Variants in ADGB observed in about 807,000 individuals in gnomAD.
ADGB encodes the protein androglobin, also known as calpain-7-like protein.
Under a neutral mutation model 210.5 loss-of-function variants are expected in ADGB, and 172 were observed. The ratio of observed to expected loss-of-function variants is 0.82; its 90% CI spans 0.72 to 0.93. The LOEUF (loss-of-function observed/expected upper bound fraction) is 0.93, where lower values mean the gene tolerates loss of function less well. Ranked by LOEUF, ADGB falls within the 40% of genes least tolerant of loss-of-function variation. The probability of loss-of-function intolerance (pLI) is 0.00; values close to 1 mark genes in which losing one functional copy is unlikely to be tolerated. For missense variants in ADGB, 2,025 were observed against 1,964.8 expected (o/e 1.03, Z -0.58); for synonymous variants, 658 against 662.7 (o/e 0.99, Z 0.11).
At chr6:146,791,414 G>T (rs912835453) in intron 33 of ADGB, among the ~76,000 whole-genome samples, 1 of 152,060 alleles carries the variant, frequency 6.6e-6, no homozygotes, top group Non-Finnish European at 1.5e-5. Flanking sequence ...CTCAATCATG[G>T]CTCGCTGCAG....
At chr6:146,615,681 A>G (rs1010417922) in intron 1 of ADGB, among the ~76,000 whole-genome samples, 12 of 152,204 alleles carry the variant, frequency 7.9e-5, no homozygotes, top group African/African-American at 2.9e-4. Context: ...AAGTGAGAAC[A>G]TGGAATATTT....
intron 33 of ADGB, among the ~76,000 whole-genome samples, chr6:146,792,254 T>G (rs967158191): frequency 1.3e-5 from 2 of 152,212 alleles, no homozygotes. Context: ...TCTACTTCTC[T>G]GAAGAACGAC....
At chr6:146,735,782 AT>A (rs956966382) in intron 22 of ADGB, among the ~76,000 whole-genome samples, 1 of 151,926 alleles carries the variant, frequency 6.6e-6, no homozygotes, top group Non-Finnish European at 1.5e-5. Context: ...TGGTGTTTGC[AT>A]TTTTTTCACT....
At chr6:146,655,615 C>A (rs908329648) in intron 4 of ADGB, among the ~76,000 whole-genome samples, 8 of 151,890 alleles carry the variant, frequency 5.3e-5, no homozygotes, top group African/African-American at 1.9e-4. Context: ...ATATTAAAAT[C>A]AAAATATTAT....
chr6:146,787,402 A>G (rs1048860312), intron 32 of ADGB, among the ~76,000 whole-genome samples: 1 of 152,088 alleles, frequency 6.6e-6, no homozygotes, highest in Admixed American at 6.6e-5. Flanking sequence ...TTAGACTCAT[A>G]TGTACCCCGT....
intron 2 of ADGB, among the ~76,000 whole-genome samples, chr6:146,644,278 G>T (rs1049008973): frequency 3.3e-5 from 5 of 151,728 alleles, no homozygotes; most frequent in African/African-American, 9.7e-5. Flanking sequence ...TTAAAGGAAA[G>T]AAATTAATTT....
rs80124333 is a variant in ADGB at position 146,621,070 on chromosome 6, G to A, written c.75-14305G>A. On this transcript the variant is annotated intron_variant, in intron 1 of 35. Coordinates refer to ENST00000397944, the MANE Select transcript of ADGB (RefSeq NM_024694.4). ...CATGTTGCCCTGTTACTGTTTCCTC[G>A]TGTAGAAAAAACTTACAGTGAGCAC... Among the ~76,000 whole-genome samples the A allele has an allele frequency of 3.0e-4, 46 of 152,202 alleles. No homozygotes were observed. The East Asian group carries it at 6.2e-3, about 20-fold the overall frequency.
At chr6:146,760,118 T>G (rs538321705) in intron 27 of ADGB, among the ~76,000 whole-genome samples, 8 of 151,996 alleles carry the variant, frequency 5.3e-5, no homozygotes, top group African/African-American at 1.4e-4. Context: ...ACATTTTTAA[T>G]TTTTTATTAA....
chr6:146,680,436 A>G (rs971284780), intron 9 of ADGB, among the ~76,000 whole-genome samples: 1 of 152,206 alleles, frequency 6.6e-6, no homozygotes, highest in Non-Finnish European at 1.5e-5. Context: ...TGTGTTCCTT[A>G]TAGCAGCTAC....
intron 29 of ADGB, among the ~76,000 whole-genome samples, chr6:146,772,600 A>G (rs1253375506): frequency 2.0e-5 from 3 of 147,322 alleles, no homozygotes; most frequent in African/African-American, 7.4e-5. Flanking sequence ...ATTAATATGT[A>G]ATTATATAAT....
intron 2 of ADGB, chr6:146,639,804 G>A (rs1017426500): frequency 8.6e-5 from 13 of 151,828 alleles, no homozygotes; most frequent in East Asian, 1.9e-4. Flanking sequence ...ACACAAATTC[G>A]TGAAGAGGTC....
At chr6:146,673,893 A>T (rs1308706995) in intron 8 of ADGB, among the ~76,000 whole-genome samples, 2 of 152,138 alleles carry the variant, frequency 1.3e-5, no homozygotes, top group African/African-American at 4.8e-5. Flanking sequence ...GATATTTACC[A>T]AGGAGACAGT....
intron 1 of ADGB, among the ~76,000 whole-genome samples, chr6:146,627,241 A>C (rs1780987603): frequency 6.6e-6 from 1 of 152,102 alleles, no homozygotes. Context: ...CACCTGTGTC[A>C]GTTATGTGTT....
chr6:146,720,363 T>C (rs1265807115), intron 16 of ADGB, among the ~76,000 whole-genome samples: 2 of 152,188 alleles, frequency 1.3e-5, no homozygotes, highest in African/African-American at 4.8e-5. Context: ...TATTAATAAG[T>C]ACTGTTAATG....
At chr6:146,717,217 G>A (rs930668302) in intron 15 of ADGB, 148 bp downstream of exon 15, 3 of 619,668 alleles carry the variant, frequency 4.8e-6, no homozygotes, top group African/African-American at 3.8e-5. Flanking sequence ...TCCAAAATAA[G>A]CCAATAACAG....
At chr6:146,703,408 C>A (rs944905912) in intron 13 of ADGB, among the ~76,000 whole-genome samples, 6 of 151,684 alleles carry the variant, frequency 4.0e-5, no homozygotes, top group African/African-American at 1.5e-4. Flanking sequence ...TCTGTCTTAT[C>A]AATTTTCAAG....
intron 1 of ADGB, among the ~76,000 whole-genome samples, chr6:146,623,327 A>G (rs1158112596): frequency 6.6e-6 from 1 of 151,952 alleles, no homozygotes; most frequent in South Asian, 2.1e-4. Flanking sequence ...TGGTCTATCT[A>G]TTCATTTATT....
intron 35 of ADGB, 54 bp downstream of exon 35, chr6:146,802,065 T>G: frequency 8.6e-7 from 1 of 1,166,448 alleles, no homozygotes; most frequent in Non-Finnish European, 1.1e-6. Context: ...TTCGTAACAT[T>G]AAAAAGAAAT....
At chr6:146,794,440 G>A (rs1222816416) in intron 33 of ADGB, among the ~76,000 whole-genome samples, 1 of 152,036 alleles carries the variant, frequency 6.6e-6, no homozygotes, top group East Asian at 1.9e-4. Context: ...AGTTTATCAT[G>A]ATTTTGTATA....
Sources: allele counts gnomAD v4.1 joint callset (sites outside exome capture counted in the v4.1 genomes callset), GRCh38; gene constraint gnomAD v4.1.1; transcripts MANE v1.5; gene names NCBI Gene and HGNC (gene_info 2026-07-23, HGNC 2026-07-21).